Variants in ATAD2B observed in about 807,000 individuals in gnomAD.
ATAD2B encodes the protein ATPase family AAA domain-containing protein 2B.
A neutral mutation model predicts 167.6 loss-of-function variants in ATAD2B; 40 were observed. The observed-to-expected ratio is 0.24, with a 90% CI of 0.19 to 0.31. The LOEUF (loss-of-function observed/expected upper bound fraction) is 0.31. ATAD2B is among the 10% of genes least tolerant of loss of function. The pLI is 1.00. For missense variants in ATAD2B, 1,242 were observed against 1,757.2 expected, an observed-to-expected ratio of 0.71 and a Z score of 5.24; for synonymous variants, 579 against 596.5, an observed-to-expected ratio of 0.97 and a Z score of 0.43.
the ATAD2B span, among the ~76,000 whole-genome samples, chr2:23,702,367 T>C: frequency 6.6e-6 from 1 of 152,216 alleles, no homozygotes; most frequent in Non-Finnish European, 1.5e-5. Flanking sequence ...TATTTTATAA[T>C]AAAATGTCAG....
rs1403084829 is a variant in ATAD2B at position 23,886,695 on chromosome 2, G to A, written c.573-866C>T. Among the ~76,000 whole-genome samples the A allele has an allele frequency of 2.6e-5, 4 of 152,134 alleles. 1 individual carries two copies. Among genetic ancestry groups the A allele is most frequent in the African/African-American group, 9.7e-5 (4 of 41,440 alleles). On this transcript the variant is annotated intron_variant, in intron 4 of 27. Coordinates refer to ENST00000238789, the MANE Select transcript of ATAD2B (RefSeq NM_017552.4). ...GCCTGTAATCCTAGCACTTTGGGAG[G>A]CAGAGGCAGGCGGATCACGAGGTCA...
At chr2:23,866,687 T>C (rs1199540993) in intron 10 of ATAD2B, among the ~76,000 whole-genome samples, 1 of 152,192 alleles carries the variant, frequency 6.6e-6, no homozygotes, top group East Asian at 1.9e-4. Flanking sequence ...TAGGGTCCCA[T>C]TAATAAATAA....
intron 13 of ATAD2B, among the ~76,000 whole-genome samples, chr2:23,849,214 T>C (rs2675354): frequency 0.065 from 9,883 of 152,202 alleles, 413 homozygotes; most frequent in African/African-American, 0.12. Flanking sequence ...CAACTTTATA[T>C]AGTCTATGAA....
intron 6 of ATAD2B, among the ~76,000 whole-genome samples, chr2:23,882,731 A>C (rs1573233066): frequency 6.6e-6 from 1 of 150,538 alleles, no homozygotes; most frequent in Non-Finnish European, 1.5e-5. Context: ...AATGGCATGA[A>C]CCCAGGAGGC....
At chr2:23,807,114 A>G (rs1684514201) in intron 18 of ATAD2B, among the ~76,000 whole-genome samples, 1 of 152,194 alleles carries the variant, frequency 6.6e-6, no homozygotes, top group African/African-American at 2.4e-5. Context: ...TTGTTCCTAT[A>G]TAGTGGTTCA....
intron 13 of ATAD2B, among the ~76,000 whole-genome samples, chr2:23,840,110 C>T (rs1043027956): frequency 6.6e-6 from 1 of 152,140 alleles, no homozygotes; most frequent in African/African-American, 2.4e-5. Flanking sequence ...AGATATGCCA[C>T]AATTTGTTTA....
chr2:23,726,860 G>T, the ATAD2B span, among the ~76,000 whole-genome samples: 1 of 152,182 alleles, frequency 6.6e-6, no homozygotes, highest in Admixed American at 6.5e-5. Flanking sequence ...GTGCTCCGGA[G>T]ATGGATGCCA....
the ATAD2B span, among the ~76,000 whole-genome samples, chr2:23,741,859 A>G: frequency 6.6e-6 from 1 of 152,234 alleles, no homozygotes; most frequent in Non-Finnish European, 1.5e-5. Flanking sequence ...ATTTACAAGA[A>G]AAAAACAAAC....
intron 13 of ATAD2B, among the ~76,000 whole-genome samples, chr2:23,838,872 C>A (rs943673029): frequency 6.6e-6 from 1 of 152,024 alleles, no homozygotes; most frequent in Non-Finnish European, 1.5e-5. Flanking sequence ...CCCTAAGAGG[C>A]CTTAATAACT....
At chr2:23,679,259 G>A in the ATAD2B span, among the ~76,000 whole-genome samples, 1 of 152,178 alleles carries the variant, frequency 6.6e-6, no homozygotes, top group Non-Finnish European at 1.5e-5. Context: ...TCCTGGTTTA[G>A]CAGTTTGGAC....
At chr2:23,693,637 C>A in the ATAD2B span, 2 of 1,179,432 alleles carry the variant, frequency 1.7e-6, no homozygotes, top group Non-Finnish European at 2.4e-6. Context: ...TCCTGCTCTC[C>A]CTAAGTGGCA....
Position 23,909,234 on chromosome 2 carries a change from C to T in ATAD2B, c.217-13264G>A, listed in dbSNP as rs1701913507. ...ATGAAATAAGCCAGATGTGGTGGCT[C>T]ACACCTGTAATCCCAGCATTTTGGG... On this transcript the variant is annotated intron_variant, in intron 1 of 27. Coordinates refer to ENST00000238789, the MANE Select transcript of ATAD2B (RefSeq NM_017552.4). 3.3e-5 allele frequency among the ~76,000 whole-genome samples: 5 copies of T among 151,642 alleles called. No individual in the cohort carries two copies. The South Asian group carries it at 1.0e-3, about 31-fold the overall frequency.
At position 23,786,063 on chromosome 2, in the gene ATAD2B, G is replaced by A. The variant is rs955088776; in HGVS notation, c.2937C>T (p.Arg979=). Residue 979 remains arginine (R), a synonymous_variant, in exon 21 of 28, where the codon CGC becomes CGT. Coordinates refer to ENST00000238789, the MANE Select transcript of ATAD2B (RefSeq NM_017552.4). ...CCACCGGTTTGCTGAAGATGTTAAA[G>A]CGTTTATCTGTGGCCAGCCTCTTGG... is the stretch of plus-strand genomic sequence containing the variant. ...DVTKRLATDK[R]FNIFSKPVDI... is the part of the protein sequence containing the mutation. 6.2e-7 allele frequency: 1 copy of A among 1,612,150 alleles called. No individual in the cohort carries two copies.
chr2:23,885,857 T>C, intron 4 of ATAD2B, 28 bp from the exon 5 acceptor site: 3 of 1,353,602 alleles, frequency 2.2e-6, no homozygotes, highest in Non-Finnish European at 3.1e-6. Context: ...AATCAGGATT[T>C]AGACAATGGT....
At chr2:23,769,637 A>C (rs1488285747) in intron 22 of ATAD2B, among the ~76,000 whole-genome samples, 1 of 151,006 alleles carries the variant, frequency 6.6e-6, no homozygotes, top group Non-Finnish European at 1.5e-5. Flanking sequence ...GTTACTCTAC[A>C]TCCTTGATTA....
intron 8 of ATAD2B, among the ~76,000 whole-genome samples, chr2:23,871,922 G>A (rs759408980): frequency 1.3e-5 from 2 of 151,998 alleles, no homozygotes; most frequent in African/African-American, 2.4e-5. Flanking sequence ...CGGTCACCCC[G>A]GCTAGAGTGC....
chr2:23,858,489 C>CTTTTTTTTTTTTTTTTTTTTTTTTT (rs34177847), intron 12 of ATAD2B, among the ~76,000 whole-genome samples: 1 of 134,412 alleles, frequency 7.4e-6, no homozygotes, highest in Non-Finnish European at 1.6e-5. Flanking sequence ...CTGTCTCATT[C>CTTTTTTTTTTTTTTTTTTTTTTTTT]TTTTTTTTTT....
At chr2:23,829,118 C>T (rs1287877944) in intron 14 of ATAD2B, among the ~76,000 whole-genome samples, 179 bp from the exon 15 acceptor site, 2 of 150,792 alleles carry the variant, frequency 1.3e-5, no homozygotes, top group East Asian at 3.9e-4. Context: ...CTGATTCCAA[C>T]AATAAATCTG....
chr2:23,913,707 T>C (rs1175555698), intron 1 of ATAD2B, among the ~76,000 whole-genome samples: 1 of 150,916 alleles, frequency 6.6e-6, no homozygotes, highest in Admixed American at 6.6e-5. Flanking sequence ...GAAATTAAAA[T>C]TGAAAAACAA....
Sources: allele counts gnomAD v4.1 joint callset (sites outside exome capture counted in the v4.1 genomes callset), GRCh38; gene constraint gnomAD v4.1.1; transcripts MANE v1.5; gene names NCBI Gene and HGNC (gene_info 2026-07-23, HGNC 2026-07-21).